Variants in NCBP1 observed in about 807,000 individuals in gnomAD.
The protein encoded by NCBP1 is nuclear cap-binding protein subunit 1.
A neutral mutation model predicts 111.7 loss-of-function variants in NCBP1; 16 were observed. That is an observed-to-expected ratio of 0.14 (90% confidence interval 0.10 to 0.22). The LOEUF is 0.22. NCBP1 is among the 10% of genes least tolerant of loss of function. The pLI, the probability that NCBP1 is intolerant of heterozygous loss-of-function variation, is 1.00. For synonymous variants in NCBP1, 304 were observed against 314.3 expected (o/e 0.97, Z 0.35); for missense variants, 607 against 957.5 (o/e 0.63, Z 4.83).
intron 2 of NCBP1, 86 bp downstream of exon 2, chr9:97,640,968 G>T: frequency 1.9e-6 from 2 of 1,052,070 alleles, no homozygotes; most frequent in South Asian, 3.4e-5. Context: ...TGAAAAGTTG[G>T]ACTACATTTT....
chr9:97,657,858 T>C (rs1827704284), intron 14 of NCBP1, among the ~76,000 whole-genome samples: 1 of 148,578 alleles, frequency 6.7e-6, no homozygotes, highest in Non-Finnish European at 1.5e-5. Context: ...AAATTGTCCC[T>C]GGTATGTACA....
chr9:97,644,125 C>A (rs1357457691), intron 4 of NCBP1, among the ~76,000 whole-genome samples: 1 of 152,060 alleles, frequency 6.6e-6, no homozygotes, highest in Non-Finnish European at 1.5e-5. Flanking sequence ...AATGGTGATC[C>A]AGTGTATATC....
At chr9:97,655,323 G>C (rs1003510158) in intron 12 of NCBP1, among the ~76,000 whole-genome samples, 9 of 152,114 alleles carry the variant, frequency 5.9e-5, no homozygotes, top group African/African-American at 9.7e-5. Flanking sequence ...CAATCCTCCT[G>C]CCTTAGTCTC....
chr9:97,656,405 A>AC (rs1827655363), intron 14 of NCBP1, among the ~76,000 whole-genome samples: 1 of 151,908 alleles, frequency 6.6e-6, no homozygotes, highest in South Asian at 2.1e-4. Flanking sequence ...ACATGGGGAA[A>AC]CCCCCTCTCT....
chr9:97,670,668 T>C (rs1828161488), intron 22 of NCBP1, among the ~76,000 whole-genome samples: 1 of 152,208 alleles, frequency 6.6e-6, no homozygotes, highest in African/African-American at 2.4e-5. Flanking sequence ...GAGGAACACA[T>C]AGACAAGAGT....
In NCBP1 at chr9:97,653,960, A is replaced by G. The variant is rs748244963; in HGVS notation, c.1170+52A>G. ...AATCTCTTTGGCCTGGTCTTAAAAGATTATTAAATATTTCTGCTTGTGGGT... is the reference window on the plus strand; with the variant it reads ...AATCTCTTTGGCCTGGTCTTAAAAGGTTATTAAATATTTCTGCTTGTGGGT... On this transcript the variant is annotated intron_variant, in intron 11 of 22. Coordinates refer to ENST00000375147, the MANE Select transcript of NCBP1 (RefSeq NM_002486.5). 2.3e-5 allele frequency: 33 copies of G among 1,454,982 alleles called. No homozygotes were observed. The East Asian group carries it at 7.1e-4, about 31-fold the overall frequency. The allele number at this position is 1,454,982 out of a possible 1,614,324, so 90.1% of individuals were successfully genotyped here. A position where few individuals can be genotyped will look rare whatever the true frequency, so the allele number is the denominator to read the frequency against.
At chr9:97,663,885 A>C (rs1400511716) in intron 18 of NCBP1, among the ~76,000 whole-genome samples, 1 of 151,798 alleles carries the variant, frequency 6.6e-6, no homozygotes, top group Non-Finnish European at 1.5e-5. Context: ...AAATCTTAAG[A>C]CCTAATGATC....
At chr9:97,643,589 C>A (rs1316773511) in intron 4 of NCBP1, among the ~76,000 whole-genome samples, 1 of 152,102 alleles carries the variant, frequency 6.6e-6, no homozygotes, top group Non-Finnish European at 1.5e-5. Context: ...CCTTCAGATA[C>A]CTTACTAGGA....
intron 1 of NCBP1, chr9:97,634,637 T>G (rs1826943911): frequency 6.6e-6 from 1 of 152,160 alleles, no homozygotes; most frequent in South Asian, 2.1e-4. Flanking sequence ...TAATTCTAGT[T>G]TTAACAACAA....
chr9:97,655,603 AAAG>A, intron 12 of NCBP1, 96 bp from the exon 13 acceptor site: 5 of 889,042 alleles, frequency 5.6e-6, no homozygotes, highest in Non-Finnish European at 8.7e-6. Flanking sequence ...TTAACTCTGT[AAAG>A]TCGGGTTTTA....
At chr9:97,660,196 C>G (rs1047810986) in intron 15 of NCBP1, among the ~76,000 whole-genome samples, 1 of 152,122 alleles carries the variant, frequency 6.6e-6, no homozygotes, top group African/African-American at 2.4e-5. Flanking sequence ...ATATGACTGT[C>G]CTCACATGAC....
At chr9:97,651,866 C>T (rs1308608666) in intron 10 of NCBP1, among the ~76,000 whole-genome samples, 2 of 152,050 alleles carry the variant, frequency 1.3e-5, no homozygotes, top group African/African-American at 4.8e-5. Flanking sequence ...AAGAGCCAAG[C>T]AGTTTAGAAA....
At chr9:97,645,022 T>C in intron 4 of NCBP1, 95 bp from the exon 5 acceptor site, 1 of 911,090 alleles carries the variant, frequency 1.1e-6, no homozygotes, top group Non-Finnish European at 1.7e-6. Context: ...GCTATAGTTT[T>C]TTAGACCAAT....
chr9:97,662,868 TTGAG>T (rs1174736705), intron 17 of NCBP1, 82 bp from the exon 18 acceptor site: 31 of 977,598 alleles, frequency 3.2e-5, no homozygotes, highest in Non-Finnish European at 4.5e-5. Flanking sequence ...GCATTATAAA[TTGAG>T]TAACATTGAA....
At chr9:97,644,687 G>A (rs891963132) in intron 4 of NCBP1, among the ~76,000 whole-genome samples, 2 of 152,190 alleles carry the variant, frequency 1.3e-5, no homozygotes, top group African/African-American at 2.4e-5. Context: ...ATAGGTTGAA[G>A]TAGCTAGAAT....
chr9:97,664,524 T>G, intron 19 of NCBP1, 81 bp downstream of exon 19: 1 of 954,548 alleles, frequency 1.0e-6, no homozygotes, highest in Non-Finnish European at 1.6e-6. Context: ...CTTCAAATTC[T>G]GGTCCAAACC....
Position 97,643,671 on chromosome 9 carries a change from T to G in NCBP1, c.381+311T>G, listed in dbSNP as rs539017356. On this transcript the variant is annotated intron_variant, in intron 4 of 22. Coordinates refer to ENST00000375147, the MANE Select transcript of NCBP1 (RefSeq NM_002486.5). ...TCCCCAGCTCATACAGTGGCCACTG[T>G]GTACTGAATAACCCATCTAGAAAGC... Among the ~76,000 whole-genome samples the G allele has an allele frequency of 1.3e-3, 199 of 152,208 alleles. 1 individual carries two copies. The highest frequency in any genetic ancestry group is 0.01 in the Middle Eastern group (3 of 294).
In NCBP1 at chr9:97,672,395, A is replaced by G. The variant is rs982053708; in HGVS notation, c.*1196A>G. 4 of 152,190 alleles carry G rather than the reference A, an allele frequency of 2.6e-5. No individual in the cohort carries two copies. Among genetic ancestry groups the G allele is most frequent in the Admixed American group, 1.3e-4 (2 of 15,270 alleles). The allele number at this position is 152,190 out of a possible 1,614,324, so 9.4% of individuals were successfully genotyped here. ...TTTGCTTTGGTTTACCATACATTTT[A>G]GTGGCTACAGAATGTAGTCTGCTTA... On this transcript the variant is annotated 3_prime_UTR_variant, in exon 23 of 23. Coordinates refer to ENST00000375147, the MANE Select transcript of NCBP1 (RefSeq NM_002486.5).
intron 3 of NCBP1, 67 bp from the exon 4 acceptor site, chr9:97,643,137 A>C: frequency 9.7e-6 from 14 of 1,436,592 alleles, no homozygotes; most frequent in Non-Finnish European, 1.2e-5. Flanking sequence ...AAAAAGATTC[A>C]CATAAAATTC....
Sources: allele counts gnomAD v4.1 joint callset (sites outside exome capture counted in the v4.1 genomes callset), GRCh38; gene constraint gnomAD v4.1.1; transcripts MANE v1.5; gene names NCBI Gene and HGNC (gene_info 2026-07-23, HGNC 2026-07-21).